The following NCK2 variants were observed in gnomAD, a reference collection of about 807,000 sequenced individuals.
NCK2 encodes the protein NCK adaptor protein 2.
In NCK2, 16 loss-of-function variants were observed where a neutral mutation model predicts 33.9. The ratio of observed to expected loss-of-function variants is 0.47; its 90% CI spans 0.32 to 0.72. The LOEUF is 0.72. NCK2 is among the 30% of genes least tolerant of loss of function. NCK2 has a pLI of 0.03. For missense variants in NCK2, 418 were observed against 537.3 expected, an observed-to-expected ratio of 0.78 and a Z score of 2.19; for synonymous variants, 273 against 239.9, an observed-to-expected ratio of 1.14 and a Z score of -1.27.
chr2:105,884,692 T>G (rs1678648638), intron 4 of NCK2, among the ~76,000 whole-genome samples: 1 of 152,228 alleles, frequency 6.6e-6, no homozygotes, highest in Non-Finnish European at 1.5e-5. Context: ...ATTTCAGAAG[T>G]ATCTGTTGGA....
At chr2:105,771,202 G>A (rs1030413777) in intron 1 of NCK2, among the ~76,000 whole-genome samples, 10 of 152,048 alleles carry the variant, frequency 6.6e-5, no homozygotes, top group South Asian at 6.2e-4. Flanking sequence ...GATTACAGGC[G>A]TGAGCCACCG....
intron 4 of NCK2, among the ~76,000 whole-genome samples, chr2:105,886,448 C>T (rs1678723999): frequency 1.3e-5 from 2 of 152,214 alleles, no homozygotes; most frequent in Admixed American, 6.5e-5. Flanking sequence ...ATTGCCCCAG[C>T]TTGCTGACTT....
At chr2:105,773,678 A>G (rs1366596204) in intron 1 of NCK2, among the ~76,000 whole-genome samples, 2 of 152,098 alleles carry the variant, frequency 1.3e-5, no homozygotes, top group Non-Finnish European at 2.9e-5. Flanking sequence ...GAAGACTTGA[A>G]GCAGCAGTCA....
Position 105,780,934 on chromosome 2 carries a change from A to G in NCK2, c.-200-35496A>G, listed in dbSNP as rs566976437. The stretch of plus-strand genomic sequence containing the variant: ...TGTTTATAAGCCACCATTCTGTGGT[A>G]TTTTGTTACAGCCAGCCAAATGGAC... On this transcript the variant is annotated intron_variant, in intron 1 of 4. Coordinates refer to ENST00000233154, the MANE Select transcript of NCK2 (RefSeq NM_003581.5). Among the ~76,000 whole-genome samples the G allele has an allele frequency of 3.3e-5, 5 of 152,240 alleles. No individual in the cohort carries two copies. In the East Asian group the frequency reaches 9.7e-4, roughly 29 times the overall value.
intron 1 of NCK2, among the ~76,000 whole-genome samples, chr2:105,804,074 C>CG (rs1674942560): frequency 6.6e-6 from 1 of 152,092 alleles, no homozygotes; most frequent in African/African-American, 2.4e-5. Context: ...CCATTTTTTA[C>CG]GGGGCAAATT....
rs1216485721 is a variant in NCK2, at chr2:105,744,988, C to G, written c.-351C>G. On this transcript the variant is annotated 5_prime_UTR_variant, in exon 1 of 5. Transcript: ENST00000233154. The stretch of plus-strand genomic sequence containing the variant: ...GGCCGGGAGGCTCGCGGCGCCCGGG[C>G]CGGCAGGGTCCGCCCGGGCCGGCAG... The G allele has an allele frequency of 7.2e-6, 1 of 139,674 alleles. No homozygotes were observed. Among genetic ancestry groups the G allele is most frequent in the Non-Finnish European group, 1.6e-5 (1 of 63,590 alleles). 8.7% of individuals were successfully genotyped at this position (139,674 alleles called of 1,614,324 possible).
intron 4 of NCK2, among the ~76,000 whole-genome samples, chr2:105,886,523 C>T: frequency 6.6e-6 from 1 of 152,080 alleles, no homozygotes; most frequent in Middle Eastern, 3.2e-3. Context: ...TTTTTTTGTT[C>T]CAAATCCTGA....
At chr2:105,794,880 G>T (rs920998136) in intron 1 of NCK2, among the ~76,000 whole-genome samples, 30 of 152,172 alleles carry the variant, frequency 2.0e-4, no homozygotes, top group Non-Finnish European at 8.8e-5. Flanking sequence ...CGCAGCCAAA[G>T]ATGGTTATGT....
chr2:105,872,320 G>T (rs956412057), intron 3 of NCK2, among the ~76,000 whole-genome samples: 1 of 152,180 alleles, frequency 6.6e-6, no homozygotes, highest in Non-Finnish European at 1.5e-5. Flanking sequence ...GCTGTTCACA[G>T]TGTGGCCCTA....
Position 105,881,410 on chromosome 2 carries a change from C to T in NCK2, c.309C>T (p.Gly103=), listed in dbSNP as rs1451130060. The T allele has an allele frequency of 6.2e-7, 1 of 1,612,720 alleles. No homozygotes were observed. Among genetic ancestry groups the T allele is most frequent in the African/African-American group, 1.3e-5 (1 of 75,070 alleles). The change falls in exon 4 of 5, where the codon GGC becomes GGT. Residue 103 remains glycine, a synonymous_variant. Transcript: ENST00000233154. ...CGGACGCCGAGTACCCCGCCAATGGCAGCGGCGCCGACCGCATCTACGACC... is the reference window on the plus strand; with the variant it reads ...CGGACGCCGAGTACCCCGCCAATGGTAGCGGCGCCGACCGCATCTACGACC... The part of the protein sequence containing the change: ...PSTDAEYPAN[G]SGADRIYDLN...
intron 3 of NCK2, among the ~76,000 whole-genome samples, chr2:105,871,726 C>T (rs1678019088): frequency 6.6e-6 from 1 of 152,116 alleles, no homozygotes; most frequent in South Asian, 2.1e-4. Flanking sequence ...AACTCCTGAC[C>T]TCAAGTGATC....
intron 2 of NCK2, among the ~76,000 whole-genome samples, chr2:105,845,527 G>A (rs985340147): frequency 6.6e-6 from 1 of 151,848 alleles, no homozygotes; most frequent in Non-Finnish European, 1.5e-5. Flanking sequence ...CTGAGTAGCT[G>A]AAATTACAGG....
At chr2:105,763,214 A>G (rs1241218676) in intron 1 of NCK2, among the ~76,000 whole-genome samples, 1 of 152,166 alleles carries the variant, frequency 6.6e-6, no homozygotes, top group Non-Finnish European at 1.5e-5. Context: ...AAAACAAAAC[A>G]AAAGCACCCT....
At chr2:105,820,070 G>A (rs1298722083) in intron 2 of NCK2, among the ~76,000 whole-genome samples, 2 of 152,180 alleles carry the variant, frequency 1.3e-5, no homozygotes, top group Non-Finnish European at 2.9e-5. Context: ...GACCCTTTAG[G>A]GGACAGTATG....
At chr2:105,773,837 G>C (rs954293590) in intron 1 of NCK2, among the ~76,000 whole-genome samples, 1 of 152,160 alleles carries the variant, frequency 6.6e-6, no homozygotes, top group Non-Finnish European at 1.5e-5. Context: ...GGTGTGGACT[G>C]TTGTCTTTTG....
chr2:105,769,332 A>G (rs1380001622), intron 1 of NCK2, among the ~76,000 whole-genome samples: 1 of 138,348 alleles, frequency 7.2e-6, no homozygotes, highest in Non-Finnish European at 1.5e-5. Flanking sequence ...TCCTCTCAGT[A>G]AAACAGCTGA....
At chr2:105,769,598 G>A (rs765573075) in intron 1 of NCK2, among the ~76,000 whole-genome samples, 4 of 152,164 alleles carry the variant, frequency 2.6e-5, no homozygotes, top group African/African-American at 7.2e-5. Context: ...GAAATGGGAC[G>A]TGTGGGTGAC....
chr2:105,797,034 C>T (rs763419863), intron 1 of NCK2, among the ~76,000 whole-genome samples: 8 of 152,134 alleles, frequency 5.3e-5, no homozygotes, highest in Non-Finnish European at 7.4e-5. Flanking sequence ...TGGATTTAGT[C>T]ATCACAGTCC....
chr2:105,766,689 G>A (rs1439107604), intron 1 of NCK2, among the ~76,000 whole-genome samples: 2 of 152,248 alleles, frequency 1.3e-5, no homozygotes. Flanking sequence ...GTCTGTGAGG[G>A]AGAATCCTGG....
Sources: gnomAD v4.1 joint callset for allele counts (sites outside exome capture counted in the v4.1 genomes callset) on GRCh38, gnomAD v4.1.1 for gene constraint, MANE v1.5 for transcripts, NCBI Gene and HGNC (gene_info 2026-07-23, HGNC 2026-07-21) for gene names.